MTF1: variants seen among roughly 807,000 people sequenced by gnomAD.
The protein encoded by MTF1 is metal regulatory transcription factor 1, also known as MRE-binding transcription factor.
Under a neutral mutation model 70.4 loss-of-function variants are expected in MTF1, and 22 were observed. The observed-to-expected ratio is 0.31, with a 90% CI of 0.22 to 0.45. The LOEUF (loss-of-function observed/expected upper bound fraction) is 0.45. MTF1 is among the 20% of genes least tolerant of loss of function. The probability of loss-of-function intolerance (pLI) is 1.00; values close to 1 mark genes in which losing one functional copy is unlikely to be tolerated. For synonymous variants in MTF1, 333 were observed against 352.8 expected (o/e 0.94, Z 0.63); for missense variants, 649 against 922.0 (o/e 0.70, Z 3.83).
intron 2 of MTF1, among the ~76,000 whole-genome samples, chr1:37,842,808 A>C (rs1641275471): frequency 6.6e-6 from 1 of 152,208 alleles, no homozygotes; most frequent in Non-Finnish European, 1.5e-5. Flanking sequence ...AACATGATCA[A>C]CATGTTAAAT....
chr1:37,835,188 T>C lies in MTF1; in HGVS notation c.881A>G (p.Asn294Ser). The change falls in exon 6 of 11, where the codon AAT (asparagine) becomes AGT (serine). Residue 294 changes from asparagine to serine, a missense_variant. Physicochemically the swap from Asn to Ser is conservative, Grantham distance 46. Around this residue, in one of 7 missense-constraint regions of MTF1, gnomAD observed 118 missense variants for 287.2 expected, o/e 0.41. Transcript: ENST00000373036. ...AGTGCTGAATGTTTTCTCACAGCCA[T>C]TACTGGGGCAGAAGAAGGGTCTTTC... ...TGERPFFCPS[N>S]GCEKTFSTQY... The C allele has an allele frequency of 6.2e-7, 1 of 1,613,818 alleles. No individual in the cohort carries two copies. Among genetic ancestry groups the C allele is most frequent in the Non-Finnish European group, 8.5e-7 (1 of 1,179,728 alleles).
rs1283829253 is a variant in MTF1, at chr1:37,857,686, A to C, written c.-28T>G. The C allele has an allele frequency of 6.2e-7, 1 of 1,603,708 alleles. No homozygotes were observed. The highest frequency in any genetic ancestry group is 8.5e-7 in the Non-Finnish European group (1 of 1,173,726). On this transcript the variant is annotated 5_prime_UTR_variant, in exon 2 of 11. Coordinates refer to ENST00000373036, the MANE Select transcript of MTF1 (RefSeq NM_005955.3). ...TTCAGTTGTGCTCAGCCCAGTTGTG[A>C]GAAATGAAAACGTAATGACTTGTCT...
In MTF1 at chr1:37,840,092, T is replaced by C; in HGVS notation, c.475A>G (p.Thr159Ala). Residue 159 changes from threonine (T) to alanine (A), a missense_variant, in exon 3 of 11, where the codon ACC becomes GCC. By Grantham distance (58) the Thr-to-Ala change is moderately conservative (BLOSUM62 0). Transcript: ENST00000373036. This position sits in a 1 kb window ranked among gnomAD's most constrained non-coding sequence, Gnocchi z 4.5. ...TCTCCTCGGTGAGTCTTCTGGTGGG[T>C]TCGCAGGTTGCCTGCTGTGCTGTAG... is the stretch of plus-strand genomic sequence containing the variant. Reference protein sequence around the residue: ...RTYSTAGNLRTHQKTHRGEYT... With the variant: ...RTYSTAGNLRAHQKTHRGEYT... The C allele has an allele frequency of 6.2e-7, 1 of 1,614,226 alleles. No individual in the cohort carries two copies.
chr1:37,835,593 T>C, intron 5 of MTF1, 78 bp downstream of exon 5: 1 of 1,040,930 alleles, frequency 9.6e-7, no homozygotes. Flanking sequence ...TATCTCTGTA[T>C]ATCCACCTAG....
rs1395314162 is a variant in MTF1 at position 37,815,645 on chromosome 1, G to A, written c.1832-79C>T. On this transcript the variant is annotated intron_variant, in intron 10 of 10. Coordinates refer to ENST00000373036, the MANE Select transcript of MTF1 (RefSeq NM_005955.3). The surrounding 1 kb of genome is among the most constrained non-coding windows in gnomAD (Gnocchi z 4.5). Reference sequence around the variant, plus strand: ...TGAGGGACAGGGATACATGGACTAGGTGAGAGCAGAGTGCCATGGGAACCA... The same window carrying A: ...TGAGGGACAGGGATACATGGACTAGATGAGAGCAGAGTGCCATGGGAACCA... The A allele has an allele frequency of 5.1e-6, 6 of 1,165,938 alleles. No homozygotes were observed. Among genetic ancestry groups the A allele is most frequent in the Non-Finnish European group, 7.3e-6 (6 of 824,286 alleles). The allele number at this position is 1,165,938 out of a possible 1,614,324, so 72.2% of individuals were successfully genotyped here. A position where few individuals can be genotyped will look rare whatever the true frequency, so the allele number is the denominator to read the frequency against.
intron 2 of MTF1, among the ~76,000 whole-genome samples, chr1:37,851,913 C>G (rs1406203931): frequency 6.6e-6 from 1 of 151,494 alleles, no homozygotes; most frequent in Non-Finnish European, 1.5e-5. Context: ...TTCCTCATCA[C>G]TCACTCACTT....
intron 8 of MTF1, 53 bp from the exon 9 acceptor site, chr1:37,822,769 GC>G: frequency 7.5e-7 from 1 of 1,335,646 alleles, no homozygotes; most frequent in Non-Finnish European, 1.0e-6. Flanking sequence ...CCTTAGATGA[GC>G]CACAAAAACA....
chr1:37,853,653 G>A (rs560824972), intron 2 of MTF1, among the ~76,000 whole-genome samples: 17 of 152,080 alleles, frequency 1.1e-4, no homozygotes, highest in Non-Finnish European at 2.4e-4. Flanking sequence ...CCTCTCTCTT[G>A]GAAAAACCTT....
At chr1:37,838,781 C>A in intron 3 of MTF1, 25 bp from the exon 4 acceptor site, 1 of 815,162 alleles carries the variant, frequency 1.2e-6, no homozygotes, top group Non-Finnish European at 1.8e-6. Context: ...AGAAAAATTC[C>A]CTTTGTCATA....
At chr1:37,823,925 G>T in intron 7 of MTF1, 113 bp from the exon 8 acceptor site, 1 of 741,526 alleles carries the variant, frequency 1.3e-6, no homozygotes, top group Non-Finnish European at 2.3e-6. Context: ...TATGCATTTT[G>T]TTTCTACCTT....
intron 9 of MTF1, 32 bp downstream of exon 9, chr1:37,822,089 C>T (rs770716806): frequency 6.6e-7 from 1 of 1,503,764 alleles, no homozygotes; most frequent in South Asian, 1.3e-5. Flanking sequence ...ATACACTTCA[C>T]CCCACTGGGT....
chr1:37,850,773 T>C (rs1226273745), intron 2 of MTF1, among the ~76,000 whole-genome samples: 1 of 151,968 alleles, frequency 6.6e-6, no homozygotes, highest in Non-Finnish European at 1.5e-5. Context: ...AAGTAATAGG[T>C]AAGCCAACTC....
rs559682709 is a variant in MTF1, at chr1:37,836,941, G to T, written c.780-1197C>A. On this transcript the variant is annotated intron_variant, in intron 4 of 10. Transcript: ENST00000373036. ...AGTCCTCTCAGCAGCCTACGGGAAG[G>T]GGGGCGGCGGGGAATAACCTAAGCT... 1.5e-3 allele frequency among the ~76,000 whole-genome samples: 208 copies of T among 135,400 alleles called. 1 individual carries two copies. The highest frequency in any genetic ancestry group is 3.8e-3 in the Admixed American group (49 of 12,896). 88.8% of individuals were successfully genotyped at this position (135,400 alleles called of 152,430 possible). A position where few individuals can be genotyped will look rare whatever the true frequency, so the allele number is the denominator to read the frequency against.
chr1:37,837,907 A>G (rs1641195611), intron 4 of MTF1, among the ~76,000 whole-genome samples: 1 of 152,190 alleles, frequency 6.6e-6, no homozygotes, highest in South Asian at 2.1e-4. Flanking sequence ...ATGTCATATA[A>G]TCATCCCAAA....
In MTF1 at chr1:37,835,077, A is replaced by C; in HGVS notation, c.990+2T>G. 1 of 1,613,610 alleles carries C rather than the reference A, an allele frequency of 6.2e-7. No homozygotes were observed. Among genetic ancestry groups the C allele is most frequent in the Non-Finnish European group, 8.5e-7 (1 of 1,179,816 alleles). On this transcript the variant is annotated splice_donor_variant, in intron 6 of 10. Coordinates refer to ENST00000373036, the MANE Select transcript of MTF1 (RefSeq NM_005955.3). LOFTEE classifies it high-confidence loss of function. ...AGATCAAGAGACAAAAACACTACAC[A>C]CCTCTGATCCATTGTGTTGTGGAAG...
chr1:37,836,595 C>A (rs1198861559), intron 4 of MTF1, among the ~76,000 whole-genome samples: 1 of 152,130 alleles, frequency 6.6e-6, no homozygotes, highest in African/African-American at 2.4e-5. Context: ...TCTTTTATGG[C>A]AACTCTCATT....
chr1:37,833,386 G>A (rs1215271560), intron 6 of MTF1, among the ~76,000 whole-genome samples: 5 of 152,106 alleles, frequency 3.3e-5, no homozygotes. Flanking sequence ...GCACTGAAAG[G>A]CTCCTTACTC....
chr1:37,837,507 T>A (rs954822274), intron 4 of MTF1, among the ~76,000 whole-genome samples: 1 of 152,164 alleles, frequency 6.6e-6, no homozygotes, highest in African/African-American at 2.4e-5. Context: ...TATTTTTTTT[T>A]TATTTTTATT....
chr1:37,857,157 G>A, intron 2 of MTF1, 94 bp downstream of exon 2: 1 of 1,245,592 alleles, frequency 8.0e-7, no homozygotes, highest in Non-Finnish European at 1.1e-6. Context: ...CTAACCCCAT[G>A]CACTCCTTTA....
Sources: gnomAD v4.1 joint callset for allele counts (sites outside exome capture counted in the v4.1 genomes callset) on GRCh38, gnomAD v4.1.1 for gene constraint, gnomAD v4.1.1 regional missense constraint, Gnocchi (gnomAD v3.1) non-coding constraint, MANE v1.5 for transcripts, NCBI Gene and HGNC (gene_info 2026-07-23, HGNC 2026-07-21) for gene names.